TPM3: variants seen among roughly 807,000 people sequenced by gnomAD.
TPM3 encodes the protein tropomyosin 3, also known as tropomyosin alpha-3 chain.
Under a neutral mutation model 43.1 loss-of-function variants are expected in TPM3, and 16 were observed. The observed-to-expected ratio is 0.37, with a 90% CI of 0.25 to 0.56. The LOEUF (loss-of-function observed/expected upper bound fraction) is 0.56. TPM3 is among the 20% of genes least tolerant of loss of function. The pLI, the probability that TPM3 is intolerant of heterozygous loss-of-function variation, is 0.77. For missense variants in TPM3, 176 were observed against 337.2 expected, an observed-to-expected ratio of 0.52 and a Z score of 3.74; for synonymous variants, 101 against 116.9, an observed-to-expected ratio of 0.86 and a Z score of 0.88.
chr1:154,172,719 T>C (rs1661741012), intron 5 of TPM3, 189 bp downstream of exon 5: 2 of 711,688 alleles, frequency 2.8e-6, no homozygotes, highest in Non-Finnish European at 4.9e-6. Context: ...CTTTTGTCAC[T>C]TGTCACTAGT....
chr1:154,156,320 A>G (rs1359024371), downstream of TPM3: 1 of 184,314 alleles, frequency 5.4e-6, no homozygotes, highest in East Asian at 8.8e-5. Flanking sequence ...CTGTGGAGAA[A>G]GCACATTTAG....
At chr1:154,184,548 A>C (rs903319878) in intron 2 of TPM3, among the ~76,000 whole-genome samples, 1 of 152,148 alleles carries the variant, frequency 6.6e-6, no homozygotes, top group Non-Finnish European at 1.5e-5. Flanking sequence ...TAAATAATTT[A>C]ATAATCACTT....
chr1:154,156,874 A>G (rs1433006518), downstream of TPM3: 7 of 195,504 alleles, frequency 3.6e-5, no homozygotes, highest in Admixed American at 4.3e-4. Context: ...GAAAGCAATT[A>G]AGTGGTCACC....
chr1:154,191,077 A>G, intron 2 of TPM3, 109 bp downstream of exon 2: 4 of 1,543,894 alleles, frequency 2.6e-6, no homozygotes, highest in Non-Finnish European at 3.6e-6. Flanking sequence ...ATGTGAGTAT[A>G]TATGTCTGTG....
At position 154,167,326 on chromosome 1, in the gene TPM3, G is replaced by C. The variant is rs891283564; in HGVS notation, c.*611C>G. On this transcript the variant is annotated 3_prime_UTR_variant, in exon 10 of 10. Transcript: ENST00000651641. ...TTAGCAATAATGTATTGGGTTCACT[G>C]GGTGTTCTGAGGATGCACCATTTGA... 1 of 1,055,860 alleles carries C rather than the reference G, an allele frequency of 9.5e-7. No individual in the cohort carries two copies. Among genetic ancestry groups the C allele is most frequent in the Non-Finnish European group, 1.1e-6 (1 of 873,448 alleles). 65.4% of individuals were successfully genotyped at this position (1,055,860 alleles called of 1,614,324 possible). A position where few individuals can be genotyped will look rare whatever the true frequency, so the allele number is the denominator to read the frequency against.
In TPM3 at chr1:154,162,228, G is replaced by A. The variant is rs1159285941; in HGVS notation, c.*5709C>T. On this transcript the variant is annotated 3_prime_UTR_variant, in exon 10 of 10. Coordinates refer to ENST00000651641, the MANE Select transcript of TPM3 (RefSeq NM_152263.4). ...AAAAACACAAAAATTAGCCGGGCTT[G>A]GTTGCACGTGCCTGTAATCCCAGCT... Among the ~76,000 whole-genome samples the A allele has an allele frequency of 1.3e-5, 2 of 151,930 alleles. No individual in the cohort carries two copies. Among genetic ancestry groups the A allele is most frequent in the African/African-American group, 4.8e-5 (2 of 41,340 alleles).
intron 2 of TPM3, chr1:154,183,149 G>A (rs1363599695): frequency 3.1e-6 from 5 of 1,597,624 alleles, no homozygotes; most frequent in Non-Finnish European, 2.5e-6. Context: ...CTCGCGCTCC[G>A]GTTCCTGCCT....
chr1:154,165,867 A>G lies in TPM3; in HGVS notation c.*2070T>C, dbSNP rs1249922914. 6.6e-6 allele frequency among the ~76,000 whole-genome samples: 1 copy of G among 152,090 alleles called. No homozygotes were observed. The highest frequency in any genetic ancestry group is 1.5e-5 in the Non-Finnish European group (1 of 68,004). On this transcript the variant is annotated 3_prime_UTR_variant, in exon 10 of 10. Transcript: ENST00000651641. The stretch of plus-strand genomic sequence containing the variant: ...TACCCATTACATGCCTTCTTCCATG[A>G]GTTTTTCCAATTCATTCCCACTAGG...
chr1:154,163,587 C>A lies in TPM3; in HGVS notation c.*4350G>T, dbSNP rs1338580110. ...AGAACTACTCAACCGTCTTCTTTCC[C>A]TCCAATCAGTTCCATTTGGTTCCTC... is the stretch of plus-strand genomic sequence containing the variant. On this transcript the variant is annotated 3_prime_UTR_variant, in exon 10 of 10. Transcript: ENST00000651641. Among the ~76,000 whole-genome samples, 1 of 152,118 alleles carries A rather than the reference C, an allele frequency of 6.6e-6. No homozygotes were observed. The highest frequency in any genetic ancestry group is 1.9e-4 in the East Asian group (1 of 5,190).
At chr1:154,189,434 G>A (rs1663575204) in intron 2 of TPM3, among the ~76,000 whole-genome samples, 1 of 152,108 alleles carries the variant, frequency 6.6e-6, no homozygotes, top group African/African-American at 2.4e-5. Flanking sequence ...CTTGCAGTGA[G>A]CCTAGATTGT....
rs1660626429 is a variant in TPM3 at position 154,163,644 on chromosome 1, T to C, written c.*4293A>G. ...CATAACGTTTTCCTCATTGTTTAAT[T>C]TTTTTTTGAGACAGAGTCTTGCTCT... On this transcript the variant is annotated 3_prime_UTR_variant, in exon 10 of 10. Coordinates refer to ENST00000651641, the MANE Select transcript of TPM3 (RefSeq NM_152263.4). Among the ~76,000 whole-genome samples, 1 of 151,940 alleles carries C rather than the reference T, an allele frequency of 6.6e-6. No homozygotes were observed. Among genetic ancestry groups the C allele is most frequent in the Non-Finnish European group, 1.5e-5 (1 of 68,000 alleles).
intron 3 of TPM3, among the ~76,000 whole-genome samples, chr1:154,175,200 G>A (rs528377481): frequency 1.3e-5 from 2 of 152,028 alleles, no homozygotes; most frequent in South Asian, 2.1e-4. Flanking sequence ...GCGTGGTGGC[G>A]GACACCTGTA....
chr1:154,186,823 C>T (rs898692721), intron 2 of TPM3, among the ~76,000 whole-genome samples: 1 of 151,680 alleles, frequency 6.6e-6, no homozygotes, highest in Admixed American at 6.5e-5. Context: ...CTCGCCTTGC[C>T]ATACCCTTGC....
Position 154,169,252 on chromosome 1 carries a change from C to G in TPM3, c.854+53G>C. The G allele has an allele frequency of 1.9e-6, 3 of 1,555,432 alleles. No individual in the cohort carries two copies. In the South Asian group the frequency reaches 3.3e-5, roughly 17 times the overall value. ...CACACCACTATGCATAGCTTGTACC[C>G]CCATCCACCCACAAGCCAAGATCCC... On this transcript the variant is annotated intron_variant, in intron 9 of 9. Coordinates refer to ENST00000651641, the MANE Select transcript of TPM3 (RefSeq NM_152263.4).
intron 2 of TPM3, chr1:154,178,091 A>G: frequency 4.1e-6 from 4 of 969,018 alleles, no homozygotes; most frequent in Non-Finnish European, 4.9e-6. Flanking sequence ...GACCTAGGAG[A>G]CACTGCTAGT....
At chr1:154,172,133 A>G (rs1298124313) in intron 5 of TPM3, 8 of 1,612,910 alleles carry the variant, frequency 5.0e-6, no homozygotes, top group Non-Finnish European at 6.8e-6. Flanking sequence ...GGGATGGCAC[A>G]AGCCAGGTTG....
chr1:154,163,321 G>GTTCTGTTGGAACTTTACCAAAAGTTCCA lies in TPM3; in HGVS notation c.*4615_*4616insTGGAACTTTTGGTAAAGTTCCAACAGAA, dbSNP rs1660581102. On this transcript the variant is annotated 3_prime_UTR_variant, in exon 10 of 10. Coordinates refer to ENST00000651641, the MANE Select transcript of TPM3 (RefSeq NM_152263.4). ...ACTGCCACATGTGGCTAATGTACTAGACATCATTACCAAAAGTTCTGTTGG... is the reference window on the plus strand; with the variant it reads ...ACTGCCACATGTGGCTAATGTACTAGTTCTGTTGGAACTTTACCAAAAGTTCCAACATCATTACCAAAAGTTCTGTTGG... 6.6e-6 allele frequency among the ~76,000 whole-genome samples: 1 copy of GTTCTGTTGGAACTTTACCAAAAGTTCCA among 152,144 alleles called. No individual in the cohort carries two copies. The highest frequency in any genetic ancestry group is 1.5e-5 in the Non-Finnish European group (1 of 68,020).
chr1:154,158,348 A>G (rs569719159), downstream of TPM3, among the ~76,000 whole-genome samples: 1 of 152,226 alleles, frequency 6.6e-6, no homozygotes, highest in South Asian at 2.1e-4. Flanking sequence ...GTTACTTGAA[A>G]TTAACATAAA....
At chr1:154,184,281 C>T (rs1439188988) in intron 2 of TPM3, among the ~76,000 whole-genome samples, 1 of 152,102 alleles carries the variant, frequency 6.6e-6, no homozygotes, top group Non-Finnish European at 1.5e-5. Context: ...TCGTGATCTG[C>T]CGGCCTCGGC....
Sources: gnomAD v4.1 joint callset for allele counts (sites outside exome capture counted in the v4.1 genomes callset) on GRCh38, gnomAD v4.1.1 for gene constraint, MANE v1.5 for transcripts, NCBI Gene and HGNC (gene_info 2026-07-23, HGNC 2026-07-21) for gene names.